RTKN2: variants seen among roughly 807,000 people sequenced by gnomAD.
RTKN2 encodes rhotekin 2.
RTKN2 carries 69 observed loss-of-function variants against 71.5 expected under a neutral mutation model. The observed-to-expected ratio is 0.96, with a 90% confidence interval of 0.79 to 1.18. The LOEUF (loss-of-function observed/expected upper bound fraction) is 1.18, where lower values mean the gene tolerates loss of function less well. Ranked by LOEUF, RTKN2 falls within the 50% of genes most tolerant of loss-of-function variation. The pLI is 0.00. For synonymous variants in RTKN2, 236 were observed against 236.5 expected (o/e 1.00, Z 0.02); for missense variants, 724 against 719.7 (o/e 1.01, Z -0.07).
In RTKN2 at chr10:62,195,574, GGAA is replaced by G. The variant is rs1002784684; in HGVS notation, c.*2331_*2333del. The G allele has an allele frequency of 1.3e-5, 8 of 623,190 alleles. No individual in the cohort carries two copies. The highest frequency in any genetic ancestry group is 8.5e-4 in the Middle Eastern group (1 of 1,182). The allele number at this position is 623,190 out of a possible 1,614,324, so 38.6% of individuals were successfully genotyped here. On this transcript the variant is annotated 3_prime_UTR_variant, in exon 12 of 12. Transcript: ENST00000373789. ...ACAAAGACAAAAAGGAAGGAAGGAG[GGAA>G]GGAGGGAAGGAGAGACGGACAGAGG...
At chr10:62,227,302 CA>C (rs1228781063) in intron 6 of RTKN2, among the ~76,000 whole-genome samples, 1 of 151,988 alleles carries the variant, frequency 6.6e-6, no homozygotes, top group Non-Finnish European at 1.5e-5. Flanking sequence ...GGATTAAGGT[CA>C]GGGGAGAGTG....
At position 62,209,384 on chromosome 10, in the gene RTKN2, A is replaced by G. The variant is rs546293680; in HGVS notation, c.1021-4362T>C. On this transcript the variant is annotated intron_variant, in intron 9 of 11. Coordinates refer to ENST00000373789, the MANE Select transcript of RTKN2 (RefSeq NM_145307.4). Reference sequence around the variant, plus strand: ...AATTTCTTCAGCAAATAAATTGTCTATGGTGTGTGTGTGTGTGTGTTTGAA... The same window carrying G: ...AATTTCTTCAGCAAATAAATTGTCTGTGGTGTGTGTGTGTGTGTGTTTGAA... Among the ~76,000 whole-genome samples, 85 of 31,714 alleles carry G rather than the reference A, an allele frequency of 2.7e-3. 1 individual carries two copies. The highest frequency in any genetic ancestry group is 0.02 in the South Asian group (26 of 1,292). 20.8% of individuals were successfully genotyped at this position (31,714 alleles called of 152,430 possible). A position where few individuals can be genotyped will look rare whatever the true frequency, so the allele number is the denominator to read the frequency against.
chr10:62,227,924 C>T (rs1842064302), intron 6 of RTKN2, among the ~76,000 whole-genome samples: 2 of 152,132 alleles, frequency 1.3e-5, no homozygotes, highest in Admixed American at 1.3e-4. Context: ...GCTTCTGGTC[C>T]AAGCAACTAG....
At chr10:62,217,802 T>TGGCACAGAGGCAGGCAGCTTTGGA in intron 8 of RTKN2, among the ~76,000 whole-genome samples, 2 of 152,066 alleles carry the variant, frequency 1.3e-5, no homozygotes, top group Admixed American at 1.3e-4. Flanking sequence ...CAGCAGTAGG[T>TGGCACAGAGGCAGGCAGCTTTGGA]GGCACAGAGG....
chr10:62,190,470 C>CT (rs1315301996), downstream of RTKN2, among the ~76,000 whole-genome samples: 1 of 152,074 alleles, frequency 6.6e-6, no homozygotes, highest in Non-Finnish European at 1.5e-5. Flanking sequence ...CTTAGAGCTG[C>CT]TTTGGCCGAA....
downstream of RTKN2, among the ~76,000 whole-genome samples, chr10:62,188,374 G>A (rs918568444): frequency 2.6e-5 from 4 of 152,060 alleles, no homozygotes; most frequent in African/African-American, 9.7e-5. Context: ...AAACAGCAAG[G>A]GTGTGCTATC....
intron 3 of RTKN2, among the ~76,000 whole-genome samples, chr10:62,242,468 T>C (rs1842396289): frequency 6.6e-6 from 1 of 152,180 alleles, no homozygotes; most frequent in Admixed American, 6.5e-5. Flanking sequence ...ATCTTTTTGC[T>C]ATTATATTTT....
chr10:62,195,239 G>T lies in RTKN2; in HGVS notation c.*2669C>A. Reference sequence around the variant, plus strand: ...TTCCCCAATTATATTATCAAGAGCTGACAGCTAACTCTTTGTTTCAAGTTT... The same window carrying T: ...TTCCCCAATTATATTATCAAGAGCTTACAGCTAACTCTTTGTTTCAAGTTT... On this transcript the variant is annotated 3_prime_UTR_variant, in exon 12 of 12. Transcript: ENST00000373789. 2 of 979,500 alleles carry T rather than the reference G, an allele frequency of 2.0e-6. No individual in the cohort carries two copies. The highest frequency in any genetic ancestry group is 2.4e-6 in the Non-Finnish European group (2 of 824,724). The allele number at this position is 979,500 out of a possible 1,614,324, so 60.7% of individuals were successfully genotyped here. A position where few individuals can be genotyped will look rare whatever the true frequency, so the allele number is the denominator to read the frequency against.
At chr10:62,211,266 T>C (rs868203691) in intron 9 of RTKN2, among the ~76,000 whole-genome samples, 6 of 152,300 alleles carry the variant, frequency 3.9e-5, no homozygotes, top group Middle Eastern at 6.8e-3. Context: ...AGCAATCACT[T>C]TGAAGTAAAT....
Position 62,218,276 on chromosome 10 carries a change from C to A in RTKN2, c.807G>T (p.Leu269=), listed in dbSNP as rs1029573402. Residue 269 remains leucine, a synonymous_variant, in exon 8 of 12, where the codon CTG becomes CTT. Coordinates refer to ENST00000373789, the MANE Select transcript of RTKN2 (RefSeq NM_145307.4). ...GNEESSFWLP[L]YGNMCCRLVA... ...CTAGTCGGCAGCACATGTTGCCATA[C>A]AGGGGAAGCCAAAATGAAGACTCCT... 5.6e-6 allele frequency: 9 copies of A among 1,610,422 alleles called. No homozygotes were observed. The highest frequency in any genetic ancestry group is 1.6e-4 in the Middle Eastern group (1 of 6,066).
chr10:62,225,379 T>C (rs1841999670), intron 6 of RTKN2, among the ~76,000 whole-genome samples: 1 of 152,224 alleles, frequency 6.6e-6, no homozygotes, highest in Non-Finnish European at 1.5e-5. Context: ...TGAGCCTCAC[T>C]CAACCTCTCC....
intron 10 of RTKN2, among the ~76,000 whole-genome samples, chr10:62,201,470 A>G (rs1841440933): frequency 6.6e-6 from 1 of 152,146 alleles, no homozygotes; most frequent in Non-Finnish European, 1.5e-5. Flanking sequence ...GTTGATCTCT[A>G]GAATGTACAT....
chr10:62,195,334 A>C lies in RTKN2; in HGVS notation c.*2574T>G. The C allele has an allele frequency of 1.0e-6, 1 of 985,034 alleles. No homozygotes were observed. The highest frequency in any genetic ancestry group is 1.2e-6 in the Non-Finnish European group (1 of 829,546). 61.0% of individuals were successfully genotyped at this position (985,034 alleles called of 1,614,324 possible). A position where few individuals can be genotyped will look rare whatever the true frequency, so the allele number is the denominator to read the frequency against. On this transcript the variant is annotated 3_prime_UTR_variant, in exon 12 of 12. Coordinates refer to ENST00000373789, the MANE Select transcript of RTKN2 (RefSeq NM_145307.4). ...AATGTGAAAGCTCATAAAAAGCTGA[A>C]GCAGCTTTCATATTACATGGCATAT...
chr10:62,191,199 A>G (rs367619744), downstream of RTKN2, among the ~76,000 whole-genome samples: 1 of 152,312 alleles, frequency 6.6e-6, no homozygotes. Flanking sequence ...TGACTCGATC[A>G]CAGTTCATCG....
At position 62,194,882 on chromosome 10, in the gene RTKN2, T is replaced by C; in HGVS notation, c.*3026A>G. 1.0e-6 allele frequency: 1 copy of C among 984,896 alleles called. No homozygotes were observed. The highest frequency in any genetic ancestry group is 1.2e-6 in the Non-Finnish European group (1 of 829,498). The allele number at this position is 984,896 out of a possible 1,614,324, so 61.0% of individuals were successfully genotyped here. A position where few individuals can be genotyped will look rare whatever the true frequency, so the allele number is the denominator to read the frequency against. On this transcript the variant is annotated 3_prime_UTR_variant, in exon 12 of 12. Transcript: ENST00000373789. Reference sequence around the variant, plus strand: ...AGGCATTTATAATAAATGGATTTAGTTTTCCACATATATTCACATCCATTT... The same window carrying C: ...AGGCATTTATAATAAATGGATTTAGCTTTCCACATATATTCACATCCATTT...
intron 3 of RTKN2, among the ~76,000 whole-genome samples, chr10:62,245,154 A>G (rs778455175): frequency 7.9e-5 from 12 of 152,170 alleles, no homozygotes; most frequent in Non-Finnish European, 1.6e-4. Context: ...CATTGTCTTT[A>G]GCTTCCTGAA....
chr10:62,218,149 T>C (rs1263280726), intron 8 of RTKN2, 46 bp downstream of exon 8: 1 of 1,230,508 alleles, frequency 8.1e-7, no homozygotes, highest in Admixed American at 1.9e-5. Context: ...ATATTAAGAT[T>C]TAAAGTAGAG....
At position 62,194,171 on chromosome 10, in the gene RTKN2, A is replaced by G; in HGVS notation, c.*3737T>C. 1.0e-6 allele frequency: 1 copy of G among 979,950 alleles called. No individual in the cohort carries two copies. The highest frequency in any genetic ancestry group is 1.2e-6 in the Non-Finnish European group (1 of 824,952). The allele number at this position is 979,950 out of a possible 1,614,324, so 60.7% of individuals were successfully genotyped here. A position where few individuals can be genotyped will look rare whatever the true frequency, so the allele number is the denominator to read the frequency against. On this transcript the variant is annotated 3_prime_UTR_variant, in exon 12 of 12. Coordinates refer to ENST00000373789, the MANE Select transcript of RTKN2 (RefSeq NM_145307.4). ...TATAAACAAAGCCAATTACACAAGC[A>G]TGTCAGAAAATCAACACACCCTAAT...
In RTKN2 at chr10:62,195,689, T is replaced by C; in HGVS notation, c.*2219A>G. 1.0e-6 allele frequency: 1 copy of C among 981,586 alleles called. No homozygotes were observed. 60.8% of individuals were successfully genotyped at this position (981,586 alleles called of 1,614,324 possible). A position where few individuals can be genotyped will look rare whatever the true frequency, so the allele number is the denominator to read the frequency against. ...AAGGAAGGAAACCAACTCTGTATTA[T>C]AACTACACTCCTTAGGTAAGGGGTA... On this transcript the variant is annotated 3_prime_UTR_variant, in exon 12 of 12. Transcript: ENST00000373789.
Sources: gnomAD v4.1 joint callset for allele counts (sites outside exome capture counted in the v4.1 genomes callset) on GRCh38, gnomAD v4.1.1 for gene constraint, MANE v1.5 for transcripts, NCBI Gene and HGNC (gene_info 2026-07-23, HGNC 2026-07-21) for gene names.